Variants in PLSCR2 observed in about 807,000 individuals in gnomAD.
The protein encoded by PLSCR2 is phospholipid scramblase 2.
A neutral mutation model predicts 25.3 loss-of-function variants in PLSCR2; 18 were observed. That is an observed-to-expected ratio of 0.71 (90% CI 0.49 to 1.06). The LOEUF (loss-of-function observed/expected upper bound fraction) is 1.06. Among genes scored for constraint, PLSCR2 ranks in the 50% least tolerant of loss-of-function variants. The probability of loss-of-function intolerance (pLI) is 0.00; values close to 1 mark genes in which losing one functional copy is unlikely to be tolerated. For missense variants in PLSCR2, 243 were observed against 269.5 expected (o/e 0.90, Z 0.69); for synonymous variants, 88 against 87.3 (o/e 1.01, Z -0.04).
chr3:146,450,112 G>A (rs1447689277), intron 5 of PLSCR2, among the ~76,000 whole-genome samples: 1 of 152,192 alleles, frequency 6.6e-6, no homozygotes, highest in Non-Finnish European at 1.5e-5. Context: ...TGTGTGCTCA[G>A]ACAAAAACAC....
At chr3:146,410,537 G>A (rs546958337) in intron 2 of PLSCR2, among the ~76,000 whole-genome samples, 2 of 152,278 alleles carry the variant, frequency 1.3e-5, no homozygotes, top group African/African-American at 4.8e-5. Context: ...GCCTCTGGCA[G>A]AAATGACAGG....
At chr3:146,478,675 A>T (rs2043018435) in intron 1 of PLSCR2, among the ~76,000 whole-genome samples, 1 of 152,200 alleles carries the variant, frequency 6.6e-6, no homozygotes, top group Non-Finnish European at 1.5e-5. Flanking sequence ...ACTCTTCAGG[A>T]TATTATCCAG....
intron 2 of PLSCR2, among the ~76,000 whole-genome samples, chr3:146,421,338 G>T (rs2039143301): frequency 6.6e-6 from 1 of 151,874 alleles, no homozygotes; most frequent in South Asian, 2.1e-4. Context: ...ACAAAAGAGA[G>T]CAGAATTTTA....
rs201296635 is a variant in PLSCR2, at chr3:146,459,833, C to T, written c.57+15G>A. Reference sequence around the variant, plus strand: ...TTTTTTTTTTTTTCTGAGTATTTTACGTATTTGAAATTACCTGACTTAAGT... The same window carrying T: ...TTTTTTTTTTTTTCTGAGTATTTTATGTATTTGAAATTACCTGACTTAAGT... On this transcript the variant is annotated intron_variant, in intron 2 of 6. Coordinates refer to ENST00000610787, the Ensembl canonical transcript of PLSCR2. 8.2e-4 allele frequency: 1,222 copies of T among 1,485,352 alleles called. 4 individuals carry two copies. Among genetic ancestry groups the T allele is most frequent in the South Asian group, 5.6e-3 (470 of 83,420 alleles). 92.0% of individuals were successfully genotyped at this position (1,485,352 alleles called of 1,614,324 possible). A position where few individuals can be genotyped will look rare whatever the true frequency, so the allele number is the denominator to read the frequency against.
chr3:146,442,111 T>C (rs1261409478), intron 6 of PLSCR2, among the ~76,000 whole-genome samples: 1 of 152,088 alleles, frequency 6.6e-6, no homozygotes, highest in Non-Finnish European at 1.5e-5. Flanking sequence ...AAATCATCCT[T>C]TTTCAATCTT....
chr3:146,458,273 G>A, intron 3 of PLSCR2, 138 bp downstream of exon 3: 1 of 698,666 alleles, frequency 1.4e-6, no homozygotes, highest in Non-Finnish European at 2.2e-6. Flanking sequence ...TTTCATTATT[G>A]TAAAGACAGA....
At chr3:146,464,296 C>CA (rs2041761855), upstream of PLSCR2, among the ~76,000 whole-genome samples, 1 of 152,132 alleles carries the variant, frequency 6.6e-6, no homozygotes, top group South Asian at 2.1e-4. Context: ...TTTCAGCATA[C>CA]AAAATTGCAT....
chr3:146,406,398 A>T (rs566423063), intron 2 of PLSCR2, among the ~76,000 whole-genome samples: 82 of 152,206 alleles, frequency 5.4e-4, no homozygotes, highest in African/African-American at 1.9e-3. Context: ...TGGGACTGGC[A>T]GATTGTGTTG....
chr3:146,453,851 C>T, intron 5 of PLSCR2, 151 bp downstream of exon 5: 1 of 533,978 alleles, frequency 1.9e-6, no homozygotes, highest in Non-Finnish European at 3.1e-6. Flanking sequence ...CAGTAATAAC[C>T]TCCACTCTGA....
chr3:146,468,873 A>G (rs1168397390), intron 1 of PLSCR2, among the ~76,000 whole-genome samples: 1 of 152,200 alleles, frequency 6.6e-6, no homozygotes, highest in Non-Finnish European at 1.5e-5. Context: ...TCTGTAGCTC[A>G]TTTAATACTT....
intron 1 of PLSCR2, among the ~76,000 whole-genome samples, chr3:146,479,522 A>C (rs763025863): frequency 6.6e-5 from 10 of 152,256 alleles, no homozygotes; most frequent in East Asian, 3.8e-4. Flanking sequence ...TAAAGGGATC[A>C]ATTCAACAAG....
At chr3:146,471,825 A>G (rs963744571) in intron 1 of PLSCR2, among the ~76,000 whole-genome samples, 1 of 152,290 alleles carries the variant, frequency 6.6e-6, no homozygotes, top group East Asian at 1.9e-4. Flanking sequence ...TGGCCTCCCA[A>G]AGTGCTGGGA....
At chr3:146,454,229 A>G in intron 4 of PLSCR2, 66 bp from the exon 5 acceptor site, 1 of 1,136,634 alleles carries the variant, frequency 8.8e-7, no homozygotes, top group Middle Eastern at 2.6e-4. Flanking sequence ...TAATAGCTCT[A>G]ATTTACTGAG....
rs140083521 is a variant in PLSCR2 at position 146,482,742 on chromosome 3, T to C, written c.-293+13153A>G. On this transcript the variant is annotated intron_variant, in intron 1 of 8. Transcript: ENST00000336685. The stretch of plus-strand genomic sequence containing the variant: ...CATTACTGGGTATATACCCAAAGAT[T>C]ATAAATCAGGCTGCTATAAAGACAC... Among the ~76,000 whole-genome samples the C allele has an allele frequency of 6.7e-3, 1,015 of 152,308 alleles. 12 individuals are homozygous for C. Among genetic ancestry groups the C allele is most frequent in the African/African-American group, 0.023 (969 of 41,572 alleles).
chr3:146,406,422 C>T (rs188249883), intron 2 of PLSCR2, among the ~76,000 whole-genome samples: 2 of 151,998 alleles, frequency 1.3e-5, no homozygotes, highest in South Asian at 4.1e-4. Flanking sequence ...TTTGTGGGTA[C>T]GGGCTGGCTC....
intron 6 of PLSCR2, among the ~76,000 whole-genome samples, chr3:146,444,474 T>C (rs1190478255): frequency 6.6e-6 from 1 of 152,050 alleles, no homozygotes; most frequent in Non-Finnish European, 1.5e-5. Flanking sequence ...TTTACAATTG[T>C]TACATCTTCT....
At chr3:146,403,239 G>A (rs577685847) in intron 2 of PLSCR2, among the ~76,000 whole-genome samples, 1 of 151,992 alleles carries the variant, frequency 6.6e-6, no homozygotes, top group Non-Finnish European at 1.5e-5. Context: ...AATATCCCCG[G>A]CATATCTGTA....
chr3:146,424,862 G>C (rs894908596), intron 2 of PLSCR2, among the ~76,000 whole-genome samples: 42 of 142,906 alleles, frequency 2.9e-4, no homozygotes, highest in African/African-American at 1.1e-3. Context: ...ACTTAATAAG[G>C]GCCCTAAAGT....
intron 2 of PLSCR2, among the ~76,000 whole-genome samples, chr3:146,397,830 C>T (rs2038324806): frequency 6.6e-6 from 1 of 151,896 alleles, no homozygotes; most frequent in African/African-American, 2.4e-5. Context: ...CCTATGTAGT[C>T]ATATTATTAC....
Sources: gnomAD v4.1 joint callset for allele counts (sites outside exome capture counted in the v4.1 genomes callset) on GRCh38, gnomAD v4.1.1 for gene constraint, MANE v1.5 for transcripts, NCBI Gene and HGNC (gene_info 2026-07-23, HGNC 2026-07-21) for gene names.